KCNH8: variants seen among roughly 807,000 people sequenced by gnomAD.
KCNH8 encodes voltage-gated delayed rectifier potassium channel KCNH8.
KCNH8 carries 70 observed loss-of-function variants against 103.6 expected under a neutral mutation model. That is an observed-to-expected ratio of 0.68 (90% CI 0.56 to 0.82). The LOEUF is 0.82. KCNH8 is among the 40% of genes least tolerant of loss of function. The pLI, the probability that KCNH8 is intolerant of heterozygous loss-of-function variation, is 0.00. For synonymous variants in KCNH8, 498 were observed against 489.4 expected (o/e 1.02, Z -0.23); for missense variants, 1,217 against 1,329.9 (o/e 0.92, Z 1.32).
At chr3:19,169,672 A>G (rs1178832054) in intron 1 of KCNH8, among the ~76,000 whole-genome samples, 1 of 152,158 alleles carries the variant, frequency 6.6e-6, no homozygotes, top group East Asian at 1.9e-4. Flanking sequence ...TGGACCCTGG[A>G]GGCATTAGCA....
At chr3:19,293,211 G>T (rs548153055) in intron 3 of KCNH8, among the ~76,000 whole-genome samples, 105 of 152,264 alleles carry the variant, frequency 6.9e-4, no homozygotes, top group Admixed American at 1.9e-3. Context: ...ACAGGGTAAA[G>T]TTCAGGGCCA....
At chr3:19,237,312 A>G (rs959671794) in intron 1 of KCNH8, among the ~76,000 whole-genome samples, 1 of 152,226 alleles carries the variant, frequency 6.6e-6, no homozygotes, top group Non-Finnish European at 1.5e-5. Flanking sequence ...TCCAGTGGAC[A>G]TGGCCCAATG....
At chr3:19,452,365 CAGAG>C in intron 10 of KCNH8, among the ~76,000 whole-genome samples, 1 of 151,540 alleles carries the variant, frequency 6.6e-6, no homozygotes, top group East Asian at 1.9e-4. Context: ...AGCCTGAGTG[CAGAG>C]AGAGAGAGAC....
intron 3 of KCNH8, among the ~76,000 whole-genome samples, chr3:19,310,888 T>C (rs2065199025): frequency 1.3e-5 from 2 of 151,834 alleles, no homozygotes; most frequent in African/African-American, 4.8e-5. Context: ...GGGAGAATTA[T>C]CCATGCACAG....
Position 19,193,911 on chromosome 3 carries a change from C to T in KCNH8, c.76+45116C>T, listed in dbSNP as rs116423981. 3.5e-3 allele frequency among the ~76,000 whole-genome samples: 533 copies of T among 151,406 alleles called. 5 individuals carry two copies. The highest frequency in any genetic ancestry group is 0.012 in the African/African-American group (501 of 41,384). On this transcript the variant is annotated intron_variant, in intron 1 of 15. Coordinates refer to ENST00000328405, the MANE Select transcript of KCNH8 (RefSeq NM_144633.3). ...TAGGTGTGAATGTTTTTTTGTAAAC[C>T]GTAAAGTACTTCATAAATATAAGTT... is the stretch of plus-strand genomic sequence containing the variant.
intron 11 of KCNH8, among the ~76,000 whole-genome samples, chr3:19,506,447 G>A (rs2125238014): frequency 6.6e-6 from 1 of 152,298 alleles, no homozygotes; most frequent in South Asian, 2.1e-4. Context: ...TGCTGTTGAA[G>A]TTTGTGCTGT....
intron 11 of KCNH8, among the ~76,000 whole-genome samples, chr3:19,479,462 G>C (rs376216448): frequency 4.1e-4 from 62 of 152,188 alleles, no homozygotes; most frequent in African/African-American, 1.4e-3. Flanking sequence ...ACTCATTTAG[G>C]GTTTCAGGCC....
At chr3:19,198,315 C>T (rs1336392367) in intron 1 of KCNH8, among the ~76,000 whole-genome samples, 2 of 151,898 alleles carry the variant, frequency 1.3e-5, no homozygotes, top group African/African-American at 4.8e-5. Context: ...AATGCTTAAG[C>T]CTTGAACTGG....
intron 11 of KCNH8, among the ~76,000 whole-genome samples, chr3:19,504,042 T>C (rs1166112815): frequency 6.6e-6 from 1 of 151,990 alleles, no homozygotes; most frequent in African/African-American, 2.4e-5. Context: ...AGGCCACACA[T>C]CTACAACCAT....
chr3:19,213,088 CCTT>C (rs1436990789), intron 1 of KCNH8, among the ~76,000 whole-genome samples: 3 of 152,118 alleles, frequency 2.0e-5, no homozygotes, highest in East Asian at 1.9e-4. Context: ...ATCATAGACT[CCTT>C]CTTTGCACCC....
intron 7 of KCNH8, among the ~76,000 whole-genome samples, chr3:19,406,922 C>A (rs891383868): frequency 2.6e-5 from 4 of 152,140 alleles, no homozygotes; most frequent in African/African-American, 2.4e-5. Context: ...TTTAAAACAT[C>A]AACTTCTCTT....
intron 1 of KCNH8, among the ~76,000 whole-genome samples, chr3:19,178,471 G>C (rs1236389764): frequency 1.3e-5 from 2 of 152,240 alleles, no homozygotes; most frequent in East Asian, 3.9e-4. Flanking sequence ...TACAGTAAGA[G>C]AGGGAAGACT....
chr3:19,513,024 G>A lies in KCNH8; in HGVS notation c.2134G>A (p.Asp712Asn). The A allele has an allele frequency of 6.2e-7, 1 of 1,613,724 alleles. No homozygotes were observed. The highest frequency in any genetic ancestry group is 2.2e-5 in the East Asian group (1 of 44,822). The change falls in exon 13 of 16, where the codon GAT becomes AAT. Residue 712 changes from aspartate (D) to asparagine (N), a missense_variant. Around this residue, in one of 3 missense-constraint regions of KCNH8, gnomAD observed 558 missense variants for 495.8 expected, o/e 1.13. Transcript: ENST00000328405. Reference sequence around the variant, plus strand: ...CAAGCGACTCCCATCCATTGTGGAAGATGAGGAAGAGGAGGAGGAGGGGGA... The same window carrying A: ...CAAGCGACTCCCATCCATTGTGGAAAATGAGGAAGAGGAGGAGGAGGGGGA... ...INKRLPSIVEDEEEEEEGEEE... is the reference protein window; with the variant it reads ...INKRLPSIVENEEEEEEGEEE...
chr3:19,275,750 T>C (rs181808572), intron 2 of KCNH8, among the ~76,000 whole-genome samples: 18 of 152,228 alleles, frequency 1.2e-4, no homozygotes, highest in African/African-American at 3.4e-4. Flanking sequence ...CATGACACCT[T>C]TTTTTAGTTC....
intron 1 of KCNH8, among the ~76,000 whole-genome samples, chr3:19,201,532 G>A (rs2063663046): frequency 6.6e-6 from 1 of 151,962 alleles, no homozygotes; most frequent in African/African-American, 2.4e-5. Flanking sequence ...ACAGAGTGGG[G>A]GAACTTGAAC....
chr3:19,523,045 T>C (rs1000909978), intron 15 of KCNH8, among the ~76,000 whole-genome samples: 1 of 151,840 alleles, frequency 6.6e-6, no homozygotes, highest in African/African-American at 2.4e-5. Flanking sequence ...CGGAGTGATA[T>C]GGGGTTGTTT....
chr3:19,303,389 T>A (rs763070332), intron 3 of KCNH8, among the ~76,000 whole-genome samples: 13 of 152,114 alleles, frequency 8.5e-5, no homozygotes, highest in Non-Finnish European at 1.5e-4. Flanking sequence ...GAGTGTGAAT[T>A]GACTTAATAG....
intron 1 of KCNH8, among the ~76,000 whole-genome samples, chr3:19,235,137 G>A (rs1212049171): frequency 6.6e-6 from 1 of 152,130 alleles, no homozygotes; most frequent in African/African-American, 2.4e-5. Flanking sequence ...TTAGCCTATG[G>A]TAAAATTGGT....
At chr3:19,497,376 G>T (rs985662200) in intron 11 of KCNH8, among the ~76,000 whole-genome samples, 3 of 152,076 alleles carry the variant, frequency 2.0e-5, no homozygotes, top group African/African-American at 7.2e-5. Context: ...TTTGATGTGG[G>T]TGTTTAGTGC....
Sources: gnomAD v4.1 joint callset for allele counts (sites outside exome capture counted in the v4.1 genomes callset) on GRCh38, gnomAD v4.1.1 for gene constraint, gnomAD v4.1.1 regional missense constraint, MANE v1.5 for transcripts, NCBI Gene and HGNC (gene_info 2026-07-23, HGNC 2026-07-21) for gene names.